The following HELZ2 variants were observed in gnomAD, a reference collection of about 807,000 sequenced individuals.
HELZ2 encodes 3'-5' exoribonuclease HELZ2.
In HELZ2, 143 loss-of-function variants were observed where a neutral mutation model predicts 208.8. The observed-to-expected ratio is 0.68, with a 90% confidence interval of 0.60 to 0.79. The LOEUF (loss-of-function observed/expected upper bound fraction) is 0.79. Among genes scored for constraint, HELZ2 ranks in the 30% least tolerant of loss-of-function variants. HELZ2 has a pLI of 0.00. For missense variants in HELZ2, 3,690 were observed against 3,794.5 expected (o/e 0.97, Z 0.72); for synonymous variants, 1,705 against 1,693.7 (o/e 1.01, Z -0.16).
exon 4 of HELZ2, chr20:63,569,269 G>A: frequency 6.3e-7 from 1 of 1,575,750 alleles, no homozygotes; most frequent in Non-Finnish European, 8.6e-7. Context: ...TCCAGGGCCA[G>A]GGCAGGGCCC....
rs548352578 is a variant in HELZ2, at chr20:63,569,313, G to A, written c.923C>T (p.Thr308Met). 4.7e-5 allele frequency: 74 copies of A among 1,584,158 alleles called. No homozygotes were observed. The highest frequency in any genetic ancestry group is 6.0e-5 in the Non-Finnish European group (70 of 1,164,018). The stretch of plus-strand genomic sequence containing the variant: ...GGCCATCAGGGCCGTCTGCTCGGCC[G>A]TCCGCTCCACGCCAGGCACCACGTG... Residue 308 changes from threonine (T) to methionine (M), a missense_variant, in exon 4 of 19, where the codon ACG becomes ATG. Physicochemically the swap from Thr to Met is moderately conservative, Grantham distance 81 (BLOSUM62 -1). Coordinates refer to ENST00000467148, the Ensembl canonical transcript of HELZ2.
At chr20:63,565,128 T>C (rs1320765220) in exon 8 of HELZ2, 1 of 1,576,798 alleles carries the variant, frequency 6.3e-7, no homozygotes, top group South Asian at 1.1e-5. Context: ...GATGGGTCCT[T>C]CAGCTCGGCC....
At chr20:63,568,693 C>T in exon 5 of HELZ2, 1 of 1,605,988 alleles carries the variant, frequency 6.2e-7, no homozygotes, top group Admixed American at 1.7e-5. Flanking sequence ...CCTCCAGGAC[C>T]AGGCGGGCCT....
rs1224181490 is a variant in HELZ2, at chr20:63,561,803, C to T, written c.6691+20G>A. On this transcript the variant is annotated intron_variant, in intron 11 of 18. Transcript: ENST00000467148. ...CGCGTGCCAGCTCCCCAAAGGCCCC[C>T]ACCGCCGACCCCGGCGCACCTGCCA... The T allele has an allele frequency of 1.9e-6, 3 of 1,553,388 alleles. No homozygotes were observed. Among genetic ancestry groups the T allele is most frequent in the Non-Finnish European group, 2.6e-6 (3 of 1,147,712 alleles).
At chr20:63,563,999 A>G in exon 8 of HELZ2, 1 of 1,604,322 alleles carries the variant, frequency 6.2e-7, no homozygotes, top group East Asian at 2.2e-5. Context: ...GCGGGCAGCA[A>G]ACTGGACCTG....
Position 63,561,062 on chromosome 20 carries a change from C to G in HELZ2, c.7146+20G>C, listed in dbSNP as rs756618081. 3 of 1,604,488 alleles carry G rather than the reference C, an allele frequency of 1.9e-6. No individual in the cohort carries two copies. The highest frequency in any genetic ancestry group is 3.4e-5 in the Admixed American group (2 of 59,694). On this transcript the variant is annotated intron_variant, in intron 14 of 18. Coordinates refer to ENST00000467148, the Ensembl canonical transcript of HELZ2. Reference sequence around the variant, plus strand: ...GCCAGGGACGCCTGCTCATGCTGCCCACACCCCCCGCCGACCAACCTTCTC... The same window carrying G: ...GCCAGGGACGCCTGCTCATGCTGCCGACACCCCCCGCCGACCAACCTTCTC...
exon 1 of HELZ2, chr20:63,572,363 T>C (rs1420473059): frequency 6.4e-7 from 1 of 1,553,628 alleles, no homozygotes; most frequent in Non-Finnish European, 8.7e-7. Flanking sequence ...GCCACCCAGC[T>C]GCTCGGCCTC....
chr20:63,567,347 G>A lies in HELZ2; in HGVS notation c.2011C>T (p.Gln671Ter), dbSNP rs1176881079. 7 of 1,605,358 alleles carry A rather than the reference G, an allele frequency of 4.4e-6. No homozygotes were observed. The East Asian group carries it at 1.6e-4, about 36-fold the overall frequency. The stretch of plus-strand genomic sequence containing the variant: ...GTGAGGGCCTCGCACTCCAGCATCT[G>A]GGCCGCCTCATCGATGAGAATGTGG... Residue 671 changes from glutamine (Q) to a stop codon, truncating the protein, a stop_gained, in exon 6 of 19, where the codon CAG (glutamine) becomes TAG (stop). Transcript: ENST00000467148. LOFTEE classifies it high-confidence loss of function.
At chr20:63,565,890 G>C (rs2082950372) in exon 8 of HELZ2, 2 of 1,597,364 alleles carry the variant, frequency 1.3e-6, no homozygotes, top group Non-Finnish European at 1.7e-6. Context: ...ACTGGCTCTG[G>C]GGCAGCCTCC....
At chr20:63,564,359 G>T in exon 8 of HELZ2, 1 of 1,563,634 alleles carries the variant, frequency 6.4e-7, no homozygotes, top group Non-Finnish European at 8.6e-7. Context: ...GTAGCACGCG[G>T]CCACGACGCA....
At chr20:63,561,490 C>T (rs373688755) in intron 12 of HELZ2, 24 bp from the exon 14 acceptor site, 1 of 1,592,358 alleles carries the variant, frequency 6.3e-7, no homozygotes, top group African/African-American at 1.3e-5. Flanking sequence ...CACAGTGAGC[C>T]CTGTCCACGC....
chr20:63,564,865 C>T (rs1250565736), exon 8 of HELZ2: 1 of 1,612,222 alleles, frequency 6.2e-7, no homozygotes, highest in Non-Finnish European at 8.5e-7. Flanking sequence ...ATTTCTGCAG[C>T]ACCTTGGTGA....
intron 18 of HELZ2, 141 bp downstream of exon 19, chr20:63,559,787 A>ATGGGAGGAGTCAGG: frequency 6.2e-6 from 3 of 482,986 alleles, no homozygotes; most frequent in East Asian, 7.9e-5. Context: ...AGTCAGTCAG[A>ATGGGAGGAGTCAGG]GTCAGGTGGG....
exon 5 of HELZ2, chr20:63,568,437 T>A: frequency 6.2e-7 from 1 of 1,605,414 alleles, no homozygotes; most frequent in Non-Finnish European, 8.5e-7. Context: ...AGCGTGTAGG[T>A]CTTGCCGGTG....
exon 8 of HELZ2, chr20:63,564,137 T>G: frequency 1.9e-6 from 3 of 1,611,900 alleles, no homozygotes; most frequent in Non-Finnish European, 8.5e-7. Context: ...GGCCTTGAGC[T>G]GCTGGCTGCG....
exon 8 of HELZ2, chr20:63,562,628 C>G (rs765834409): frequency 7.5e-6 from 12 of 1,591,282 alleles, no homozygotes; most frequent in Non-Finnish European, 1.0e-5. Context: ...GAGGTGCACC[C>G]GTCTGGGAGC....
In HELZ2 at chr20:63,570,042, G is replaced by A. The variant is rs2083002138; in HGVS notation, c.571-377C>T. The A allele has an allele frequency of 7.0e-6, 3 of 426,506 alleles. No homozygotes were observed. The East Asian group carries it at 1.5e-4, about 22-fold the overall frequency. The allele number at this position is 426,506 out of a possible 1,614,324, so 26.4% of individuals were successfully genotyped here. A position where few individuals can be genotyped will look rare whatever the true frequency, so the allele number is the denominator to read the frequency against. The stretch of plus-strand genomic sequence containing the variant: ...CAACTCACTACAACCTCCGCCTCCT[G>A]GGTTCAAGTGATTTTCCTGCCTCAG... On this transcript the variant is annotated intron_variant, in intron 3 of 18. Transcript: ENST00000467148.
At chr20:63,560,150 C>T in intron 17 of HELZ2, 21 bp downstream of exon 18, 1 of 1,548,256 alleles carries the variant, frequency 6.5e-7, no homozygotes, top group East Asian at 2.4e-5. Flanking sequence ...CCCGGCCCCA[C>T]CCACGAGCCC....
chr20:63,561,150 C>G (rs1457672423), exon 14 of HELZ2: 14 of 1,612,950 alleles, frequency 8.7e-6, no homozygotes, highest in Non-Finnish European at 1.1e-5. Context: ...CCTGCCTCGT[C>G]AACAAGGATC....
Sources: gnomAD v4.1 joint callset for allele counts on GRCh38, gnomAD v4.1.1 for gene constraint, MANE v1.5 for transcripts, NCBI Gene and HGNC (gene_info 2026-07-23, HGNC 2026-07-21) for gene names.